ART3: variants seen among roughly 807,000 people sequenced by gnomAD.
ART3 encodes ADP-ribosyltransferase 3 (inactive).
Under a neutral mutation model 48.5 loss-of-function variants are expected in ART3, and 49 were observed. The ratio of observed to expected loss-of-function variants is 1.01; its 90% CI spans 0.80 to 1.28. The LOEUF is 1.28. Among genes scored for constraint, ART3 ranks in the 50% most tolerant of loss-of-function variants. ART3 has a pLI of 0.00. For synonymous variants in ART3, 145 were observed against 157.2 expected (o/e 0.92, Z 0.58); for missense variants, 438 against 454.3 (o/e 0.96, Z 0.33).
intron 6 of ART3, among the ~76,000 whole-genome samples, 166 bp from the exon 7 acceptor site, chr4:76,100,629 C>CAAAAAAAA (rs71659303): frequency 1.1e-5 from 1 of 88,034 alleles, no homozygotes; most frequent in Non-Finnish European, 2.4e-5. Flanking sequence ...GGCTCCGTCT[C>CAAAAAAAA]AAAAAAAAAA....
chr4:76,046,030 A>C (rs2149440177), intron 1 of ART3, among the ~76,000 whole-genome samples: 1 of 152,158 alleles, frequency 6.6e-6, no homozygotes, highest in Non-Finnish European at 1.5e-5. Flanking sequence ...GATCCAGAGT[A>C]GCCTGCTGGC....
At chr4:76,100,947 T>C (rs1361479694) in intron 7 of ART3, 43 bp from the exon 8 acceptor site, 51 of 1,609,494 alleles carry the variant, frequency 3.2e-5, no homozygotes, top group Non-Finnish European at 4.2e-5. Flanking sequence ...GCCAATTCTT[T>C]TGTTCCATTG....
chr4:76,094,020 T>C (rs1316503703), intron 3 of ART3, among the ~76,000 whole-genome samples: 1 of 152,202 alleles, frequency 6.6e-6, no homozygotes, highest in East Asian at 1.9e-4. Flanking sequence ...ATGACGGGGC[T>C]AATGTCCTTA....
rs1410772485 is a variant in ART3 at position 76,081,974 on chromosome 4, A to G, written c.220A>G (p.Lys74Glu). Residue 74 changes from lysine to glutamate, a missense_variant, in exon 3 of 12, where the codon AAA becomes GAA. By Grantham distance (56) the Lys-to-Glu change is moderately conservative. Coordinates refer to ENST00000355810, the MANE Select transcript of ART3 (RefSeq NM_001130016.3). ...QQLDTVWENA[K>E]AKWAARKTQI... ...ATTAGATACTGTGTGGGAAAATGCA[A>G]AAGCCAAATGGGCAGCCCGAAAGAC... 9 of 1,614,108 alleles carry G rather than the reference A, an allele frequency of 5.6e-6. No individual in the cohort carries two copies. Among genetic ancestry groups the G allele is most frequent in the South Asian group, 4.4e-5 (4 of 91,084 alleles).
chr4:76,075,114 A>C (rs1720781871), intron 1 of ART3: 3 of 152,178 alleles, frequency 2.0e-5, no homozygotes, highest in African/African-American at 7.2e-5. Context: ...TCATTTTTAG[A>C]ATCCAGAATA....
At chr4:76,104,202 A>G in intron 9 of ART3, 12 of 430,022 alleles carry the variant, frequency 2.8e-5, no homozygotes, top group Non-Finnish European at 3.7e-5. Context: ...TCTGCTCTGG[A>G]TGTTGCTGAG....
intron 11 of ART3, among the ~76,000 whole-genome samples, chr4:76,111,675 G>T (rs62318923): frequency 0.13 from 19,997 of 151,814 alleles, 1,542 homozygotes; most frequent in East Asian, 0.35. Flanking sequence ...CCTGAGTAGC[G>T]GGGACTACAG....
chr4:76,023,185 T>C (rs1057099363), intron 1 of ART3, among the ~76,000 whole-genome samples: 1 of 151,132 alleles, frequency 6.6e-6, no homozygotes, highest in Non-Finnish European at 1.5e-5. Context: ...CTCTTTCTCT[T>C]ATTCTATTTG....
chr4:76,073,532 A>T (rs569056254), upstream of ART3, among the ~76,000 whole-genome samples: 22 of 152,352 alleles, frequency 1.4e-4, no homozygotes, highest in African/African-American at 5.1e-4. Context: ...GGTGTATTTC[A>T]TGATAATTTA....
intron 1 of ART3, among the ~76,000 whole-genome samples, chr4:76,025,283 AC>A (rs1315635602): frequency 6.6e-6 from 1 of 152,216 alleles, no homozygotes; most frequent in East Asian, 1.9e-4. Context: ...GAAATGTCTG[AC>A]ATCATGAATG....
chr4:76,100,697 A>G, intron 6 of ART3, 98 bp from the exon 7 acceptor site: 1 of 1,383,830 alleles, frequency 7.2e-7, no homozygotes, highest in South Asian at 1.3e-5. Context: ...AGGTGGGAAT[A>G]TTTTCATATT....
chr4:76,011,730 TG>T (rs1449218232), intron 1 of ART3, among the ~76,000 whole-genome samples: 1 of 152,194 alleles, frequency 6.6e-6, no homozygotes, highest in Non-Finnish European at 1.5e-5. Context: ...TGTTCTGCCA[TG>T]GTAGGGTAGG....
At chr4:76,017,419 C>T (rs1173007180) in intron 1 of ART3, among the ~76,000 whole-genome samples, 1 of 152,018 alleles carries the variant, frequency 6.6e-6, no homozygotes, top group Admixed American at 6.6e-5. Context: ...GCCCAGCACT[C>T]TATCCTACTG....
At chr4:76,055,698 G>A (rs1718618764) in intron 1 of ART3, among the ~76,000 whole-genome samples, 2 of 151,172 alleles carry the variant, frequency 1.3e-5, no homozygotes, top group Non-Finnish European at 2.9e-5. Context: ...GTCCTGGTGA[G>A]AAAGCAATTA....
chr4:76,035,079 G>T (rs1212503924), intron 1 of ART3: 1 of 1,613,868 alleles, frequency 6.2e-7, no homozygotes, highest in Non-Finnish European at 8.5e-7. Flanking sequence ...TTCGATTTGG[G>T]ATTTAGGCAT....
At chr4:76,086,232 T>G (rs1332925366) in intron 3 of ART3, among the ~76,000 whole-genome samples, 5 of 151,902 alleles carry the variant, frequency 3.3e-5, no homozygotes, top group African/African-American at 1.2e-4. Context: ...AACCTAAATG[T>G]CCACCAGCAG....
chr4:76,053,631 T>C (rs968598054), intron 1 of ART3, among the ~76,000 whole-genome samples: 1 of 152,216 alleles, frequency 6.6e-6, no homozygotes, highest in Non-Finnish European at 1.5e-5. Context: ...AAAAAGAATA[T>C]GGGTTTAAAA....
chr4:76,099,293 ACT>A (rs1726740391), intron 5 of ART3: 1 of 355,630 alleles, frequency 2.8e-6, no homozygotes, highest in Non-Finnish European at 5.3e-6. Context: ...ACAGGGTGAA[ACT>A]CTGTCTCCAA....
intron 1 of ART3, among the ~76,000 whole-genome samples, chr4:76,054,061 G>T (rs1736388986): frequency 6.6e-6 from 1 of 152,224 alleles, no homozygotes; most frequent in African/African-American, 2.4e-5. Context: ...GCGACTAACT[G>T]AAGGAAGCTT....
Sources: allele counts gnomAD v4.1 joint callset (sites outside exome capture counted in the v4.1 genomes callset), GRCh38; gene constraint gnomAD v4.1.1; transcripts MANE v1.5; gene names NCBI Gene and HGNC (gene_info 2026-07-23, HGNC 2026-07-21).